KCNMA1: variants seen among roughly 807,000 people sequenced by gnomAD.
The protein encoded by KCNMA1 is potassium calcium-activated channel subfamily M alpha 1, also known as Calcium-activated potassium channel subunit alpha-1.
A neutral mutation model predicts 140.0 loss-of-function variants in KCNMA1; 29 were observed. The ratio of observed to expected loss-of-function variants is 0.21; its 90% CI spans 0.15 to 0.28. KCNMA1 has a LOEUF of 0.28. Ranked by LOEUF, KCNMA1 falls within the 10% of genes least tolerant of loss-of-function variation. The probability of loss-of-function intolerance (pLI) is 1.00; values close to 1 mark genes in which losing one functional copy is unlikely to be tolerated. For missense variants in KCNMA1, 880 were observed against 1,602.2 expected, an observed-to-expected ratio of 0.55 and a Z score of 7.70; for synonymous variants, 612 against 611.9, an observed-to-expected ratio of 1.00 and a Z score of 0.00.
At position 77,458,277 on chromosome 10, in the gene KCNMA1, T is replaced by C. The variant is rs943791028; in HGVS notation, c.379-54254A>G. 2.6e-5 allele frequency among the ~76,000 whole-genome samples: 4 copies of C among 152,224 alleles called. No homozygotes were observed. The East Asian group carries it at 5.8e-4, about 22-fold the overall frequency. On this transcript the variant is annotated intron_variant, in intron 1 of 27. Transcript: ENST00000286628. ...CACTGTGCTGGCTTCTTTTAACAAATAGCCCTATCTATGAGCTCCCTTGTT... is the reference window on the plus strand; with the variant it reads ...CACTGTGCTGGCTTCTTTTAACAAACAGCCCTATCTATGAGCTCCCTTGTT...
intron 14 of KCNMA1, among the ~76,000 whole-genome samples, chr10:77,065,664 G>A (rs1278460850): frequency 2.0e-5 from 3 of 151,966 alleles, no homozygotes; most frequent in Admixed American, 6.6e-5. Flanking sequence ...AAAAAACAGG[G>A]GGTTCTGGGA....
chr10:77,183,539 G>A lies in KCNMA1; in HGVS notation c.697-7C>T. 1.3e-6 allele frequency: 2 copies of A among 1,577,920 alleles called. No individual in the cohort carries two copies. The highest frequency in any genetic ancestry group is 1.7e-6 in the Non-Finnish European group (2 of 1,148,130). On this transcript the variant is annotated splice_region_variant and splice_polypyrimidine_tract_variant and intron_variant, in intron 4 of 27. Transcript: ENST00000286628. ...TATCGTTGGCTGCAATAAACTGGGGGAAAGAAGAAATAAGAAAGAGAAAAA... is the reference window on the plus strand; with the variant it reads ...TATCGTTGGCTGCAATAAACTGGGGAAAAGAAGAAATAAGAAAGAGAAAAA...
chr10:77,133,187 A>G (rs2097901820), intron 5 of KCNMA1, among the ~76,000 whole-genome samples: 1 of 151,852 alleles, frequency 6.6e-6, no homozygotes, highest in Non-Finnish European at 1.5e-5. Context: ...AAAAAAGAAC[A>G]AAAACTTCAG....
chr10:77,075,429 T>A (rs1471414103), intron 13 of KCNMA1, among the ~76,000 whole-genome samples: 1 of 152,184 alleles, frequency 6.6e-6, no homozygotes, highest in Non-Finnish European at 1.5e-5. Context: ...GAAAGGAGAT[T>A]TTTTTGGTCC....
intron 25 of KCNMA1, among the ~76,000 whole-genome samples, chr10:76,898,491 C>A (rs1043519821): frequency 6.6e-6 from 1 of 151,102 alleles, no homozygotes; most frequent in African/African-American, 2.4e-5. Flanking sequence ...TGTATTTTTA[C>A]TAAACTTTGT....
At chr10:77,361,834 G>A (rs1208559605) in intron 2 of KCNMA1, among the ~76,000 whole-genome samples, 2 of 152,234 alleles carry the variant, frequency 1.3e-5, no homozygotes, top group Non-Finnish European at 2.9e-5. Context: ...AGGCTGATAT[G>A]TGCCTTAAAA....
intron 3 of KCNMA1, 131 bp downstream of exon 3, chr10:77,251,064 C>T (rs2059570098): frequency 1.3e-6 from 1 of 764,406 alleles, no homozygotes. Flanking sequence ...CAGTACAGCA[C>T]TAGCTTCCTC....
At chr10:77,142,846 A>G (rs2098210844) in intron 5 of KCNMA1, among the ~76,000 whole-genome samples, 1 of 152,236 alleles carries the variant, frequency 6.6e-6, no homozygotes, top group South Asian at 2.1e-4. Context: ...ATTCCTTTAA[A>G]AATACAATTT....
intron 5 of KCNMA1, among the ~76,000 whole-genome samples, chr10:77,134,891 G>A (rs527447381): frequency 2.0e-5 from 3 of 149,204 alleles, no homozygotes; most frequent in South Asian, 2.1e-4. Flanking sequence ...CCAGCTACTC[G>A]GCAGGCTGAG....
At chr10:77,292,301 G>A (rs1274014973) in intron 2 of KCNMA1, among the ~76,000 whole-genome samples, 1 of 152,218 alleles carries the variant, frequency 6.6e-6, no homozygotes, top group Non-Finnish European at 1.5e-5. Flanking sequence ...CTCCTTTGGA[G>A]TGGTGCGTTC....
chr10:77,623,590 T>C (rs898356713), intron 1 of KCNMA1, among the ~76,000 whole-genome samples: 1 of 151,236 alleles, frequency 6.6e-6, no homozygotes, highest in Non-Finnish European at 1.5e-5. Flanking sequence ...GTAATCCCAG[T>C]TACGTGGGAG....
chr10:77,511,225 T>C (rs1603631264), intron 1 of KCNMA1, among the ~76,000 whole-genome samples: 1 of 152,310 alleles, frequency 6.6e-6, no homozygotes, highest in South Asian at 2.1e-4. Flanking sequence ...AATTCCCAGG[T>C]GATGCTGATG....
chr10:76,991,608 A>C (rs1157417035), intron 19 of KCNMA1, among the ~76,000 whole-genome samples: 3 of 152,190 alleles, frequency 2.0e-5, no homozygotes, highest in South Asian at 4.1e-4. Flanking sequence ...AATTCCTTTA[A>C]GGGTTGGGAA....
At chr10:77,343,569 A>G (rs585620) in intron 2 of KCNMA1, among the ~76,000 whole-genome samples, 128,443 of 152,112 alleles carry the variant, frequency 0.84, 54,456 homozygotes, top group African/African-American at 0.91. Context: ...CACCCCTTTC[A>G]ACCAGATACT....
At chr10:77,157,054 C>T (rs2098495401) in intron 5 of KCNMA1, among the ~76,000 whole-genome samples, 1 of 152,218 alleles carries the variant, frequency 6.6e-6, no homozygotes, top group African/African-American at 2.4e-5. Flanking sequence ...GCAATACTGC[C>T]ATCTCACTGA....
chr10:77,413,096 G>C (rs1362813859), intron 1 of KCNMA1, among the ~76,000 whole-genome samples: 3 of 152,076 alleles, frequency 2.0e-5, no homozygotes, highest in Admixed American at 2.0e-4. Context: ...GACCTCAAGT[G>C]ATCCACCTGC....
At chr10:77,323,513 CTG>C (rs1478885229) in intron 2 of KCNMA1, among the ~76,000 whole-genome samples, 1 of 152,170 alleles carries the variant, frequency 6.6e-6, no homozygotes, top group Non-Finnish European at 1.5e-5. Flanking sequence ...AGCTTTGGAC[CTG>C]TGAGATTTCC....
At chr10:77,094,466 GC>G (rs2096882450) in intron 9 of KCNMA1, among the ~76,000 whole-genome samples, 1 of 152,130 alleles carries the variant, frequency 6.6e-6, no homozygotes, top group South Asian at 2.1e-4. Flanking sequence ...TCCTCCACTG[GC>G]CAAGGGAGAG....
At chr10:77,523,909 A>G (rs1378574854) in intron 1 of KCNMA1, among the ~76,000 whole-genome samples, 1 of 152,196 alleles carries the variant, frequency 6.6e-6, no homozygotes, top group Non-Finnish European at 1.5e-5. Context: ...ATAGTCAATA[A>G]TAACTTAATT....
Sources: gnomAD v4.1 joint callset for allele counts (sites outside exome capture counted in the v4.1 genomes callset) on GRCh38, gnomAD v4.1.1 for gene constraint, MANE v1.5 for transcripts, NCBI Gene and HGNC (gene_info 2026-07-23, HGNC 2026-07-21) for gene names.